The following COMMD9 variants were observed in gnomAD, a reference collection of about 807,000 sequenced individuals.
COMMD9 encodes COMM domain containing 9, also known as COMM domain-containing protein 9.
A neutral mutation model predicts 23.4 loss-of-function variants in COMMD9; 22 were observed. The ratio of observed to expected loss-of-function variants is 0.94; its 90% CI spans 0.67 to 1.34. The LOEUF (loss-of-function observed/expected upper bound fraction) is 1.34. COMMD9 is among the 40% of genes most tolerant of loss of function. The pLI is 0.00. For missense variants in COMMD9, 231 were observed against 240.2 expected (o/e 0.96, Z 0.25); for synonymous variants, 99 against 97.4 (o/e 1.02, Z -0.10).
intron 1 of COMMD9, among the ~76,000 whole-genome samples, chr11:36,288,951 G>A (rs140391417): frequency 1.0e-3 from 155 of 152,214 alleles, no homozygotes; most frequent in South Asian, 8.7e-3. Flanking sequence ...AGGGAACATT[G>A]AACGCACAGG....
chr11:36,275,804 G>C (rs1408781180), intron 5 of COMMD9, among the ~76,000 whole-genome samples: 2 of 152,174 alleles, frequency 1.3e-5, no homozygotes, highest in Non-Finnish European at 2.9e-5. Flanking sequence ...TGGACAAGAA[G>C]TTGCTGAAGT....
chr11:36,274,736 A>G lies in COMMD9; in HGVS notation c.493T>C (p.Ser165Pro). Reference protein sequence around the residue: ...EDPSLCGDKPSISAVTVELSK... With the variant: ...EDPSLCGDKPPISAVTVELSK... Reference sequence around the variant, plus strand: ...AGCTCCACGGTGACAGCTGAGATGGAGGGTTTGTCTCCGCATAGGCTGGGA... The same window carrying G: ...AGCTCCACGGTGACAGCTGAGATGGGGGGTTTGTCTCCGCATAGGCTGGGA... The change falls in exon 6 of 6, where the codon TCC becomes CCC. Residue 165 changes from serine (S) to proline (P), a missense_variant. Coordinates refer to ENST00000263401, the MANE Select transcript of COMMD9 (RefSeq NM_014186.4). The G allele has an allele frequency of 6.2e-7, 1 of 1,614,240 alleles. No individual in the cohort carries two copies. Among genetic ancestry groups the G allele is most frequent in the South Asian group, 1.1e-5 (1 of 91,086 alleles).
chr11:36,288,567 C>T (rs1856212228), intron 1 of COMMD9, among the ~76,000 whole-genome samples: 1 of 152,156 alleles, frequency 6.6e-6, no homozygotes, highest in African/African-American at 2.4e-5. Context: ...CTTTGGAAGG[C>T]GGAGGCGAGT....
At chr11:36,282,693 G>A (rs184419209) in intron 1 of COMMD9, among the ~76,000 whole-genome samples, 3 of 151,482 alleles carry the variant, frequency 2.0e-5, no homozygotes, top group African/African-American at 7.4e-5. Context: ...AAGAAACCAT[G>A]GAACACCAGT....
chr11:36,280,857 T>TA lies in COMMD9; in HGVS notation c.52-21dup. ...GGAGGCCTATGAATTAAATCACAGA[T>TA]AGGAAAAAAAAAAACTCAGACTCTG... On this transcript the variant is annotated intron_variant, in intron 1 of 5. Coordinates refer to ENST00000263401, the MANE Select transcript of COMMD9 (RefSeq NM_014186.4). 6.6e-7 allele frequency: 1 copy of TA among 1,522,052 alleles called. No individual in the cohort carries two copies. Among genetic ancestry groups the TA allele is most frequent in the Non-Finnish European group, 8.8e-7 (1 of 1,132,874 alleles). The allele number at this position is 1,522,052 out of a possible 1,614,324, so 94.3% of individuals were successfully genotyped here.
chr11:36,277,247 G>C, intron 3 of COMMD9, 124 bp from the exon 4 acceptor site: 1 of 558,006 alleles, frequency 1.8e-6, no homozygotes, highest in African/African-American at 1.9e-5. Context: ...AACAGGAAAG[G>C]ACCACAGAAA....
At position 36,273,326 on chromosome 11, in the gene COMMD9, G is replaced by C. The variant is rs1855908665; in HGVS notation, c.*1306C>G. 6.6e-6 allele frequency: 1 copy of C among 152,246 alleles called. No homozygotes were observed. 9.4% of individuals were successfully genotyped at this position (152,246 alleles called of 1,614,324 possible). On this transcript the variant is annotated 3_prime_UTR_variant, in exon 6 of 6. Coordinates refer to ENST00000263401, the MANE Select transcript of COMMD9 (RefSeq NM_014186.4). ...GCAGGCTGCAAGCTGTTGCCATGGAGATGATCTGGTGAGTGAAGGGGGAAT... is the reference window on the plus strand; with the variant it reads ...GCAGGCTGCAAGCTGTTGCCATGGACATGATCTGGTGAGTGAAGGGGGAAT...
chr11:36,281,762 C>T (rs1296473938), intron 1 of COMMD9, among the ~76,000 whole-genome samples: 4 of 152,124 alleles, frequency 2.6e-5, no homozygotes, highest in Non-Finnish European at 5.9e-5. Context: ...GAAAATCATT[C>T]ATTAAACCAA....
chr11:36,280,878 C>T (rs971652287), intron 1 of COMMD9, 41 bp from the exon 2 acceptor site: 2 of 1,514,174 alleles, frequency 1.3e-6, no homozygotes, highest in Middle Eastern at 1.8e-4. Context: ...AAAACTCAGA[C>T]TCTGAAAACA....
At chr11:36,279,575 A>T (rs1856031846) in intron 2 of COMMD9, among the ~76,000 whole-genome samples, 1 of 152,146 alleles carries the variant, frequency 6.6e-6, no homozygotes, top group Non-Finnish European at 1.5e-5. Flanking sequence ...GAGGTGTTCT[A>T]CTTGGTTTCT....
chr11:36,276,972 G>C (rs1408687098), intron 4 of COMMD9, 117 bp downstream of exon 4: 2 of 764,550 alleles, frequency 2.6e-6, no homozygotes, highest in East Asian at 3.1e-5. Flanking sequence ...ACAGAGTATG[G>C]GTTGAGACTA....
At chr11:36,278,349 T>C in intron 3 of COMMD9, 128 bp downstream of exon 3, 1 of 801,762 alleles carries the variant, frequency 1.2e-6, no homozygotes. Context: ...TACAGGTGTC[T>C]TATTTTCTTT....
intron 1 of COMMD9, among the ~76,000 whole-genome samples, chr11:36,286,951 T>C (rs1307553481): frequency 1.3e-5 from 2 of 152,102 alleles, no homozygotes; most frequent in Admixed American, 1.3e-4. Context: ...ATTTTGACTG[T>C]CAATATCAAT....
chr11:36,288,719 G>A (rs1421448308), intron 1 of COMMD9, among the ~76,000 whole-genome samples: 1 of 152,228 alleles, frequency 6.6e-6, no homozygotes, highest in African/African-American at 2.4e-5. Flanking sequence ...AGAATTGCTT[G>A]AACTCGGGGG....
intron 3 of COMMD9, chr11:36,278,241 C>T: frequency 4.7e-6 from 2 of 424,834 alleles, no homozygotes; most frequent in East Asian, 9.8e-5. Flanking sequence ...AAAAACAAAA[C>T]ATCAACCTCT....
At chr11:36,278,758 T>G in intron 2 of COMMD9, 142 bp from the exon 3 acceptor site, 1 of 757,898 alleles carries the variant, frequency 1.3e-6, no homozygotes, top group Non-Finnish European at 2.0e-6. Flanking sequence ...CAGAGGCCTC[T>G]GTGGCACATG....
intron 2 of COMMD9, among the ~76,000 whole-genome samples, chr11:36,279,854 C>T (rs1005461678): frequency 1.3e-5 from 2 of 152,100 alleles, no homozygotes; most frequent in African/African-American, 2.4e-5. Context: ...GCCTGTAATC[C>T]CAGCACTTTG....
At chr11:36,280,150 A>G (rs1313435329) in intron 2 of COMMD9, among the ~76,000 whole-genome samples, 1 of 151,830 alleles carries the variant, frequency 6.6e-6, no homozygotes, top group Non-Finnish European at 1.5e-5. Context: ...TAGATGAAGA[A>G]AGTGCTGTTT....
At chr11:36,289,291 C>T (rs1856226899) in intron 1 of COMMD9, 71 bp downstream of exon 1, 1 of 1,452,184 alleles carries the variant, frequency 6.9e-7, no homozygotes, top group Non-Finnish European at 9.4e-7. Context: ...CAATTTGTTC[C>T]CAATTCCTGC....
Sources: gnomAD v4.1 joint callset for allele counts (sites outside exome capture counted in the v4.1 genomes callset) on GRCh38, gnomAD v4.1.1 for gene constraint, MANE v1.5 for transcripts, NCBI Gene and HGNC (gene_info 2026-07-23, HGNC 2026-07-21) for gene names.